Variants in ZRANB1 observed in about 807,000 individuals in gnomAD.
ZRANB1 encodes zinc finger RANBP2-type containing 1.
In ZRANB1, 16 loss-of-function variants were observed where a neutral mutation model predicts 80.5. The ratio of observed to expected loss-of-function variants is 0.20; its 90% CI spans 0.13 to 0.30. The LOEUF is 0.30. ZRANB1 is among the 10% of genes least tolerant of loss of function. The pLI is 1.00. For missense variants in ZRANB1, 576 were observed against 862.6 expected, an observed-to-expected ratio of 0.67 and a Z score of 4.16; for synonymous variants, 291 against 293.1, an observed-to-expected ratio of 0.99 and a Z score of 0.07.
At chr10:124,981,866 A>G in intron 6 of ZRANB1, 37 bp downstream of exon 6, 3 of 1,610,824 alleles carry the variant, frequency 1.9e-6, no homozygotes, top group Non-Finnish European at 2.5e-6. Flanking sequence ...TCTATGAGAA[A>G]AGTAAGCATG....
At chr10:124,967,513 T>A (rs1238758106) in intron 2 of ZRANB1, among the ~76,000 whole-genome samples, 1 of 152,140 alleles carries the variant, frequency 6.6e-6, no homozygotes, top group Non-Finnish European at 1.5e-5. Flanking sequence ...TTGAAGATTA[T>A]CCCTAGGCAC....
chr10:124,963,550 G>GTTTTT (rs1564962032), intron 1 of ZRANB1, among the ~76,000 whole-genome samples: 1 of 75,158 alleles, frequency 1.3e-5, no homozygotes, highest in African/African-American at 5.3e-5. Context: ...TTTTTTTTTT[G>GTTTTT]TTTGTTTTTT....
At chr10:124,940,766 G>C (rs1465834629), upstream of ZRANB1, among the ~76,000 whole-genome samples, 1 of 151,984 alleles carries the variant, frequency 6.6e-6, no homozygotes, top group Non-Finnish European at 1.5e-5. Context: ...ACGAGGTCAG[G>C]AGTTCATCAA....
chr10:124,983,055 C>A lies in ZRANB1; in HGVS notation c.1549-120C>A. The A allele has an allele frequency of 1.0e-6, 1 of 991,196 alleles. No homozygotes were observed. The highest frequency in any genetic ancestry group is 1.4e-6 in the Non-Finnish European group (1 of 692,764). 61.4% of individuals were successfully genotyped at this position (991,196 alleles called of 1,614,324 possible). ...AGGAATCAAATGCTGCTTTGACAAT[C>A]TTTTCTTTCTTAAAAACCAACTGCG... On this transcript the variant is annotated intron_variant, in intron 6 of 8. Transcript: ENST00000359653. This position sits in a 1 kb window ranked among gnomAD's most constrained non-coding sequence, Gnocchi z 6.2.
Position 124,966,668 on chromosome 10 carries a change from G to T in ZRANB1, c.889G>T (p.Ala297Ser). Reference protein sequence around the residue: ...SGGDIARQLTADEVRLLNRPS... With the variant: ...SGGDIARQLTSDEVRLLNRPS... ...AGGAGACATTGCACGTCAGCTCACCGCAGATGAAGTACGCTTGCTGAATCG... is the reference window on the plus strand; with the variant it reads ...AGGAGACATTGCACGTCAGCTCACCTCAGATGAAGTACGCTTGCTGAATCG... Residue 297 changes from alanine to serine, a missense_variant, in exon 2 of 9, where the codon GCA becomes TCA. Physicochemically the swap from Ala to Ser is moderately conservative, Grantham distance 99. Coordinates refer to ENST00000359653, the MANE Select transcript of ZRANB1 (RefSeq NM_017580.3). The T allele has an allele frequency of 1.2e-6, 2 of 1,614,134 alleles. No individual in the cohort carries two copies. Among genetic ancestry groups the T allele is most frequent in the East Asian group, 2.2e-5 (1 of 44,878 alleles).
Position 124,985,132 on chromosome 10 carries a change from A to G in ZRANB1, c.*140A>G. The G allele has an allele frequency of 1.5e-6, 1 of 651,092 alleles. No individual in the cohort carries two copies. The highest frequency in any genetic ancestry group is 2.7e-5 in the East Asian group (1 of 36,608). The allele number at this position is 651,092 out of a possible 1,614,324, so 40.3% of individuals were successfully genotyped here. ...GCTCGGGGAAGTGTTTTCCTGGACC[A>G]CACACACCTTATGGAGATAATGCCT... is the stretch of plus-strand genomic sequence containing the variant. On this transcript the variant is annotated 3_prime_UTR_variant, in exon 9 of 9. Transcript: ENST00000359653.
the ZRANB1 span, among the ~76,000 whole-genome samples, chr10:124,926,999 G>C: frequency 6.6e-6 from 1 of 152,164 alleles, no homozygotes; most frequent in Non-Finnish European, 1.5e-5. Context: ...CTGTCGCCCA[G>C]GCTGGAGTGC....
upstream of ZRANB1, chr10:124,942,098 C>G (rs1951540789): frequency 9.9e-7 from 1 of 1,012,538 alleles, no homozygotes; most frequent in Non-Finnish European, 1.2e-6. Context: ...TCTCTTTAAA[C>G]TATTGGTTAC....
At chr10:124,924,226 T>C in the ZRANB1 span, among the ~76,000 whole-genome samples, 1 of 151,868 alleles carries the variant, frequency 6.6e-6, no homozygotes, top group Non-Finnish European at 1.5e-5. Flanking sequence ...GTGGTTTTAA[T>C]TCATATAAAT....
At chr10:124,941,163 T>G (rs941705159), upstream of ZRANB1, among the ~76,000 whole-genome samples, 2 of 150,778 alleles carry the variant, frequency 1.3e-5, no homozygotes, top group Admixed American at 6.7e-5. Flanking sequence ...ATAAAAGTAT[T>G]TAGGAAAAGT....
chr10:124,976,506 C>T (rs972120655), intron 5 of ZRANB1, among the ~76,000 whole-genome samples: 5 of 151,652 alleles, frequency 3.3e-5, no homozygotes, highest in Middle Eastern at 3.5e-3. Flanking sequence ...GGTAAATCTA[C>T]CACTTTGCAG....
rs776614991 is a variant in ZRANB1, at chr10:124,966,713, G to A, written c.934G>A (p.Gly312Ser). ...GAATCGTCCTTCTGCCTTTGATGTT[G>A]GCTATACTCTTGTACACTTGGCTAT... ...LLNRPSAFDV[G>S]YTLVHLAIRF... is the part of the protein sequence containing the mutation. Residue 312 changes from glycine (G) to serine (S), a missense_variant, in exon 2 of 9, where the codon GGC becomes AGC. By Grantham distance (56) the Gly-to-Ser change is moderately conservative. Coordinates refer to ENST00000359653, the MANE Select transcript of ZRANB1 (RefSeq NM_017580.3). 1.7e-5 allele frequency: 28 copies of A among 1,614,110 alleles called. No individual in the cohort carries two copies. The highest frequency in any genetic ancestry group is 2.4e-5 in the Non-Finnish European group (28 of 1,180,006).
chr10:124,945,868 C>G (rs1332424387), intron 1 of ZRANB1: 2 of 152,148 alleles, frequency 1.3e-5, no homozygotes, highest in Admixed American at 6.6e-5. Flanking sequence ...CTCACTGCAG[C>G]CTTGACTTCC....
chr10:124,963,565 T>TG (rs1172010492), intron 1 of ZRANB1, among the ~76,000 whole-genome samples: 1 of 137,696 alleles, frequency 7.3e-6, no homozygotes, highest in Non-Finnish European at 1.5e-5. Context: ...TTTTTTTTTT[T>TG]TTTTTTTTTT....
the ZRANB1 span, among the ~76,000 whole-genome samples, chr10:124,930,456 G>A: frequency 6.6e-6 from 1 of 152,266 alleles, no homozygotes; most frequent in East Asian, 1.9e-4. Flanking sequence ...AGTAGAGACA[G>A]GGTTTCACCA....
intron 2 of ZRANB1, among the ~76,000 whole-genome samples, chr10:124,968,155 C>T (rs750074732): frequency 4.6e-5 from 7 of 152,094 alleles, no homozygotes; most frequent in African/African-American, 1.4e-4. Flanking sequence ...CCTCGGCCCC[C>T]CAAAGTGCTG....
At chr10:124,955,534 C>G (rs1211832036) in intron 1 of ZRANB1, among the ~76,000 whole-genome samples, 1 of 152,160 alleles carries the variant, frequency 6.6e-6, no homozygotes, top group Non-Finnish European at 1.5e-5. Context: ...TTGCGTGATA[C>G]TCTTAAGTGT....
intron 1 of ZRANB1, among the ~76,000 whole-genome samples, chr10:124,954,380 T>A (rs1025307134): frequency 2.0e-5 from 3 of 150,958 alleles, no homozygotes; most frequent in African/African-American, 4.9e-5. Context: ...TTTAAAACCA[T>A]CTAATTGCCC....
chr10:124,933,642 A>G, the ZRANB1 span, among the ~76,000 whole-genome samples: 3 of 152,168 alleles, frequency 2.0e-5, no homozygotes, highest in African/African-American at 7.2e-5. Flanking sequence ...ATATCTCTCC[A>G]TATTTCTGAG....
Sources: allele counts gnomAD v4.1 joint callset (sites outside exome capture counted in the v4.1 genomes callset), GRCh38; gene constraint gnomAD v4.1.1; non-coding constraint Gnocchi (gnomAD v3.1); transcripts MANE v1.5; gene names NCBI Gene and HGNC (gene_info 2026-07-23, HGNC 2026-07-21).